NTRK2: variants seen among roughly 807,000 people sequenced by gnomAD.
The protein encoded by NTRK2 is neurotrophic receptor tyrosine kinase 2.
In NTRK2, 13 loss-of-function variants were observed where a neutral mutation model predicts 94.5. The observed-to-expected ratio is 0.14, with a 90% CI of 0.09 to 0.22. The LOEUF (loss-of-function observed/expected upper bound fraction) is 0.22. Ranked by LOEUF, NTRK2 falls within the 10% of genes least tolerant of loss-of-function variation. The pLI is 1.00. For synonymous variants in NTRK2, 372 were observed against 407.4 expected (o/e 0.91, Z 1.05); for missense variants, 639 against 1,071.2 (o/e 0.60, Z 5.63).
intron 14 of NTRK2, among the ~76,000 whole-genome samples, chr9:84,889,560 G>GCAC (rs967328755): frequency 1.3e-4 from 20 of 152,000 alleles, no homozygotes; most frequent in African/African-American, 4.6e-4. Flanking sequence ...TTCCAGGTGT[G>GCAC]CACCACCACA....
rs773840958 is a variant in NTRK2 at position 84,707,901 on chromosome 9, C to T, written c.417C>T (p.Asp139=). Residue 139 remains aspartate (D), a synonymous_variant, in exon 5 of 19, where the codon GAC becomes GAT. Coordinates refer to ENST00000277120, the MANE Select transcript of NTRK2 (RefSeq NM_006180.6). ...CTAGGAAACATTTCCGTCACCTTGA[C>T]TTGTCTGAACTGTAAGTAATGATTT... ...SLSRKHFRHL[D]LSELILVGNP... 1.2e-6 allele frequency: 2 copies of T among 1,612,168 alleles called. No homozygotes were observed. The highest frequency in any genetic ancestry group is 1.1e-5 in the South Asian group (1 of 90,910).
chr9:84,835,747 T>C (rs1421921721), intron 12 of NTRK2, among the ~76,000 whole-genome samples: 3 of 152,244 alleles, frequency 2.0e-5, no homozygotes, highest in Non-Finnish European at 4.4e-5. Flanking sequence ...AAAACTATTC[T>C]GAAATCCTGT....
chr9:84,932,690 G>A lies in NTRK2; in HGVS notation c.1634-1472G>A, dbSNP rs1587974127. ...GTCTTAACCTTGGGAGCTTACAGAT[G>A]TGATATAATTGTGGGATACATCAGA... On this transcript the variant is annotated intron_variant, in intron 14 of 18. Coordinates refer to ENST00000277120, the MANE Select transcript of NTRK2 (RefSeq NM_006180.6). Among the ~76,000 whole-genome samples the A allele has an allele frequency of 3.9e-5, 6 of 152,282 alleles. 1 individual carries two copies. The highest frequency in any genetic ancestry group is 3.9e-4 in the Admixed American group (6 of 15,302).
intron 10 of NTRK2, among the ~76,000 whole-genome samples, chr9:84,743,741 C>T (rs1364724529): frequency 6.6e-6 from 1 of 152,146 alleles, no homozygotes; most frequent in Non-Finnish European, 1.5e-5. Flanking sequence ...AAACTATAGA[C>T]ACTTGAATGA....
intron 12 of NTRK2, among the ~76,000 whole-genome samples, chr9:84,769,515 G>C (rs946776433): frequency 2.6e-5 from 4 of 152,240 alleles, no homozygotes; most frequent in Admixed American, 2.0e-4. Flanking sequence ...CTATAGATCT[G>C]TGTTAACCAA....
At chr9:84,897,741 G>A (rs1212584964) in intron 14 of NTRK2, among the ~76,000 whole-genome samples, 1 of 152,234 alleles carries the variant, frequency 6.6e-6, no homozygotes. Context: ...CTTCAGGGCT[G>A]CTCTGCCTGG....
intron 6 of NTRK2, among the ~76,000 whole-genome samples, chr9:84,721,188 T>G (rs1458212408): frequency 6.6e-6 from 1 of 152,078 alleles, no homozygotes; most frequent in Non-Finnish European, 1.5e-5. Flanking sequence ...TCTTTTTTTT[T>G]TTTTTGAGAT....
At chr9:84,891,563 A>G (rs575893486) in intron 14 of NTRK2, among the ~76,000 whole-genome samples, 49 of 152,346 alleles carry the variant, frequency 3.2e-4, no homozygotes, top group Non-Finnish European at 5.4e-4. Flanking sequence ...TACTGTGGAC[A>G]TGCCACTAGG....
intron 14 of NTRK2, among the ~76,000 whole-genome samples, chr9:84,930,585 C>T (rs1177809809): frequency 3.3e-5 from 5 of 152,018 alleles, no homozygotes; most frequent in South Asian, 2.1e-4. Flanking sequence ...GGTGCATTGC[C>T]GAGGTTTTAT....
intron 10 of NTRK2, among the ~76,000 whole-genome samples, chr9:84,743,640 C>T (rs2063827344): frequency 6.6e-6 from 1 of 152,190 alleles, no homozygotes; most frequent in Admixed American, 6.5e-5. Context: ...ATTTTTGACC[C>T]TTTCCCAGTT....
intron 17 of NTRK2, among the ~76,000 whole-genome samples, chr9:84,989,558 G>A (rs553664931): frequency 6.6e-6 from 1 of 152,264 alleles, no homozygotes; most frequent in Admixed American, 6.5e-5. Context: ...TTCTAAAACT[G>A]CAATTGATCC....
Position 84,888,415 on chromosome 9 carries a change from C to G in NTRK2, c.1633+20984C>G, listed in dbSNP as rs572730588. 2.6e-5 allele frequency among the ~76,000 whole-genome samples: 4 copies of G among 151,608 alleles called. No homozygotes were observed. In the East Asian group the frequency reaches 7.8e-4, roughly 30 times the overall value. The stretch of plus-strand genomic sequence containing the variant: ...CACAAGGTCAAGAGACCGAGACCAT[C>G]CTGGCCAACATGGTGAAACCCCGTT... On this transcript the variant is annotated intron_variant, in intron 14 of 18. Transcript: ENST00000277120.
intron 14 of NTRK2, among the ~76,000 whole-genome samples, chr9:84,926,319 C>G (rs1348252563): frequency 2.0e-5 from 3 of 151,500 alleles, no homozygotes; most frequent in Non-Finnish European, 4.4e-5. Context: ...TGCAACCTCT[C>G]CCTCCCGGGT....
At chr9:84,854,173 G>T (rs1295259210) in intron 12 of NTRK2, among the ~76,000 whole-genome samples, 1 of 152,124 alleles carries the variant, frequency 6.6e-6, no homozygotes. Context: ...ACAGGTGGGA[G>T]TTGGAGGGTA....
At chr9:84,854,467 G>A (rs1235544985) in intron 12 of NTRK2, among the ~76,000 whole-genome samples, 3 of 152,056 alleles carry the variant, frequency 2.0e-5, no homozygotes, top group Admixed American at 6.6e-5. Context: ...TCAAATTCTA[G>A]AAAAGGATGC....
At chr9:84,992,675 A>T (rs1391324623) in intron 17 of NTRK2, among the ~76,000 whole-genome samples, 1 of 151,990 alleles carries the variant, frequency 6.6e-6, no homozygotes, top group African/African-American at 2.4e-5. Flanking sequence ...CTTCTGCCTC[A>T]TTGCTGCATC....
In NTRK2 at chr9:84,900,863, A is replaced by G. The variant is rs140458304; in HGVS notation, c.1634-33299A>G. ...AAGTTTTCAACAGCTAAACCCATCT[A>G]TCAATTTCAGTACAGAAACTTTTTT... On this transcript the variant is annotated intron_variant, in intron 14 of 18. Coordinates refer to ENST00000277120, the MANE Select transcript of NTRK2 (RefSeq NM_006180.6). 2.6e-5 allele frequency among the ~76,000 whole-genome samples: 4 copies of G among 152,350 alleles called. No individual in the cohort carries two copies. The East Asian group carries it at 7.7e-4, about 29-fold the overall frequency.
chr9:85,025,185 CA>C lies in NTRK2; in HGVS notation c.*3752del, dbSNP rs1412793853. 4 of 233,110 alleles carry C rather than the reference CA, an allele frequency of 1.7e-5. No individual in the cohort carries two copies. Among genetic ancestry groups the C allele is most frequent in the Admixed American group, 1.7e-4 (3 of 17,788 alleles). The allele number at this position is 233,110 out of a possible 1,614,324, so 14.4% of individuals were successfully genotyped here. A position where few individuals can be genotyped will look rare whatever the true frequency, so the allele number is the denominator to read the frequency against. On this transcript the variant is annotated 3_prime_UTR_variant, in exon 19 of 19. Transcript: ENST00000277120. Reference sequence around the variant, plus strand: ...GACATATTTAAGATAATGTGCTTCCCAAAACAACTGAATAAAAGCCATCCCA... The same window carrying C: ...GACATATTTAAGATAATGTGCTTCCCAAACAACTGAATAAAAGCCATCCCA...
At chr9:84,738,304 T>C (rs1195003933) in intron 9 of NTRK2, among the ~76,000 whole-genome samples, 1 of 151,712 alleles carries the variant, frequency 6.6e-6, no homozygotes, top group African/African-American at 2.4e-5. Flanking sequence ...ATTAATTCTC[T>C]TCTTCTTGGA....
Sources: allele counts gnomAD v4.1 joint callset (sites outside exome capture counted in the v4.1 genomes callset), GRCh38; gene constraint gnomAD v4.1.1; transcripts MANE v1.5; gene names NCBI Gene and HGNC (gene_info 2026-07-23, HGNC 2026-07-21).